Variants in DLG2 observed in about 807,000 individuals in gnomAD.
DLG2 encodes the protein disks large homolog 2.
Under a neutral mutation model 132.5 loss-of-function variants are expected in DLG2, and 45 were observed. That is an observed-to-expected ratio of 0.34 (90% CI 0.27 to 0.44). DLG2 has a LOEUF of 0.44. DLG2 is among the 20% of genes least tolerant of loss of function. The pLI is 1.00. For missense variants in DLG2, 1,045 were observed against 1,196.9 expected (o/e 0.87, Z 1.87); for synonymous variants, 424 against 419.6 (o/e 1.01, Z -0.13).
At chr11:84,878,645 T>G (rs1235693483) in intron 6 of DLG2, among the ~76,000 whole-genome samples, 2 of 152,004 alleles carry the variant, frequency 1.3e-5, no homozygotes, top group Admixed American at 1.3e-4. Context: ...CATGGCACAT[T>G]TATACCTATG....
In DLG2 at chr11:84,984,966, G is replaced by A. The variant is rs555944308; in HGVS notation, c.357+126695C>T. ...TCCTAAATATATGCAGCTAACACTG[G>A]AGCTCCCAAATTTGTAAAACAATTA... On this transcript the variant is annotated intron_variant, in intron 6 of 27. Transcript: ENST00000376104. Among the ~76,000 whole-genome samples the A allele has an allele frequency of 2.0e-5, 3 of 152,106 alleles. No individual in the cohort carries two copies. The East Asian group carries it at 5.8e-4, about 29-fold the overall frequency.
intron 5 of DLG2, among the ~76,000 whole-genome samples, chr11:85,153,074 C>G (rs1046432494): frequency 1.8e-4 from 28 of 152,270 alleles, no homozygotes; most frequent in African/African-American, 6.5e-4. Context: ...ATAACTATCC[C>G]ATTTCATCCT....
chr11:83,946,130 C>T (rs142530135), intron 14 of DLG2, among the ~76,000 whole-genome samples: 11,593 of 151,748 alleles, frequency 0.076, 606 homozygotes, highest in Non-Finnish European at 0.12. Context: ...GCTGGGATTA[C>T]AAGTGCCCAC....
intron 4 of DLG2, among the ~76,000 whole-genome samples, chr11:85,195,039 TA>T (rs1333359828): frequency 6.6e-6 from 1 of 152,126 alleles, no homozygotes; most frequent in Non-Finnish European, 1.5e-5. Flanking sequence ...AGGCCAGAGA[TA>T]TTCCCTACCT....
intron 20 of DLG2, among the ~76,000 whole-genome samples, chr11:83,540,168 G>GCT (rs2096020651): frequency 2.6e-5 from 4 of 152,142 alleles, no homozygotes; most frequent in Admixed American, 2.6e-4. Flanking sequence ...TTCTTCTAGA[G>GCT]AACAGCTCTT....
At chr11:84,909,320 T>C (rs2091851444) in intron 6 of DLG2, among the ~76,000 whole-genome samples, 1 of 152,188 alleles carries the variant, frequency 6.6e-6, no homozygotes, top group African/African-American at 2.4e-5. Context: ...TTAATTATCA[T>C]AGCTTTTATA....
chr11:83,968,962 T>C (rs924339691), intron 12 of DLG2, among the ~76,000 whole-genome samples: 6 of 152,172 alleles, frequency 3.9e-5, no homozygotes, highest in African/African-American at 1.4e-4. Context: ...CCCTTAATAA[T>C]ACAGAAATAA....
chr11:84,508,689 C>T (rs57098434), intron 7 of DLG2, among the ~76,000 whole-genome samples: 21,580 of 152,092 alleles, frequency 0.14, 1,632 homozygotes, highest in South Asian at 0.23. Context: ...CATGAGACAC[C>T]GTGCCTGGCC....
intron 6 of DLG2, among the ~76,000 whole-genome samples, chr11:84,729,643 A>C (rs1161802194): frequency 6.6e-6 from 1 of 152,042 alleles, no homozygotes; most frequent in Admixed American, 6.6e-5. Flanking sequence ...ACTTTGAGCG[A>C]GTCACACGTA....
At chr11:83,506,396 G>T (rs1306410004) in intron 21 of DLG2, among the ~76,000 whole-genome samples, 1 of 152,092 alleles carries the variant, frequency 6.6e-6, no homozygotes, top group African/African-American at 2.4e-5. Flanking sequence ...CTGTTCTCCA[G>T]ATTTATGTTT....
chr11:84,777,603 C>T (rs1208006928), intron 6 of DLG2, among the ~76,000 whole-genome samples: 1 of 151,726 alleles, frequency 6.6e-6, no homozygotes, highest in African/African-American at 2.4e-5. Context: ...TGCATCCTCA[C>T]CAACATTTGT....
At chr11:85,036,158 G>T (rs2154146937) in intron 6 of DLG2, among the ~76,000 whole-genome samples, 1 of 152,188 alleles carries the variant, frequency 6.6e-6, no homozygotes, top group African/African-American at 2.4e-5. Flanking sequence ...TCTTTTCCCT[G>T]ATATCCACAA....
chr11:85,403,980 C>T (rs1315733962), intron 3 of DLG2, among the ~76,000 whole-genome samples: 1 of 151,980 alleles, frequency 6.6e-6, no homozygotes, highest in Non-Finnish European at 1.5e-5. Context: ...GGGAGAAGAA[C>T]CATAGCCACC....
At chr11:83,650,076 C>T (rs1349290946) in intron 18 of DLG2, among the ~76,000 whole-genome samples, 2 of 152,212 alleles carry the variant, frequency 1.3e-5, no homozygotes, top group South Asian at 2.1e-4. Flanking sequence ...TTCTAACAAT[C>T]ACCAGAAAAA....
At chr11:83,904,659 CTTT>C (rs922433764) in intron 15 of DLG2, among the ~76,000 whole-genome samples, 2 of 145,886 alleles carry the variant, frequency 1.4e-5, no homozygotes, top group Non-Finnish European at 3.0e-5. Context: ...CTTTTGTTTA[CTTT>C]TTTTTTTTAA....
intron 16 of DLG2, among the ~76,000 whole-genome samples, chr11:83,865,659 C>G (rs953884598): frequency 6.6e-6 from 1 of 151,954 alleles, no homozygotes; most frequent in African/African-American, 2.4e-5. Context: ...AATTCTGGCA[C>G]ACAGGTAGAT....
intron 6 of DLG2, among the ~76,000 whole-genome samples, chr11:85,065,856 TA>T (rs577746926): frequency 2.0e-5 from 3 of 150,682 alleles, no homozygotes; most frequent in Admixed American, 6.6e-5. Context: ...AATGCCTATG[TA>T]AAAAAAATAG....
At chr11:84,706,838 G>A (rs979262807) in intron 6 of DLG2, among the ~76,000 whole-genome samples, 6 of 151,696 alleles carry the variant, frequency 4.0e-5, no homozygotes, top group Non-Finnish European at 8.9e-5. Context: ...TTCCAAAACT[G>A]CTTCAGAGAG....
intron 21 of DLG2, among the ~76,000 whole-genome samples, chr11:83,497,269 G>A (rs530044706): frequency 7.2e-5 from 11 of 152,314 alleles, no homozygotes; most frequent in East Asian, 1.9e-4. Flanking sequence ...CCGGCTGGGC[G>A]TGGTGGCTCA....
Sources: allele counts gnomAD v4.1 joint callset (sites outside exome capture counted in the v4.1 genomes callset), GRCh38; gene constraint gnomAD v4.1.1; transcripts MANE v1.5; gene names NCBI Gene and HGNC (gene_info 2026-07-23, HGNC 2026-07-21).